Variants in EIF5B observed in about 807,000 individuals in gnomAD.
The protein encoded by EIF5B is eukaryotic translation initiation factor 5B, also known as eIF-5B.
In EIF5B, 47 loss-of-function variants were observed where a neutral mutation model predicts 147.5. The observed-to-expected ratio is 0.32, with a 90% confidence interval of 0.25 to 0.41. EIF5B has a LOEUF of 0.41. Among genes scored for constraint, EIF5B ranks in the 10% least tolerant of loss-of-function variants. The probability of loss-of-function intolerance (pLI) is 1.00; values close to 1 mark genes in which losing one functional copy is unlikely to be tolerated. For synonymous variants in EIF5B, 455 were observed against 456.2 expected (o/e 1.00, Z 0.03); for missense variants, 1,064 against 1,413.2 (o/e 0.75, Z 3.96).
At chr2:99,359,092 G>A (rs1674150824) in intron 1 of EIF5B, among the ~76,000 whole-genome samples, 1 of 152,080 alleles carries the variant, frequency 6.6e-6, no homozygotes, top group African/African-American at 2.4e-5. Flanking sequence ...ACCGGGAGCA[G>A]TGGCTCACGC....
chr2:99,382,044 TA>T, intron 12 of EIF5B, 114 bp from the exon 13 acceptor site: 1 of 747,148 alleles, frequency 1.3e-6, no homozygotes, highest in Non-Finnish European at 2.2e-6. Flanking sequence ...TAAAGCCATT[TA>T]TATGGAAAAG....
chr2:99,374,042 A>G (rs1413599033), intron 9 of EIF5B, among the ~76,000 whole-genome samples: 1 of 152,056 alleles, frequency 6.6e-6, no homozygotes, highest in African/African-American at 2.4e-5. Context: ...CAATCCCAGC[A>G]CTCTGGGAGG....
chr2:99,379,264 G>T lies in EIF5B; in HGVS notation c.1951-54G>T, dbSNP rs1370412351. 13 of 1,500,178 alleles carry T rather than the reference G, an allele frequency of 8.7e-6. No homozygotes were observed. The African/African-American group carries it at 1.5e-4, about 18-fold the overall frequency. The allele number at this position is 1,500,178 out of a possible 1,614,324, so 92.9% of individuals were successfully genotyped here. A position where few individuals can be genotyped will look rare whatever the true frequency, so the allele number is the denominator to read the frequency against. ...AAGTTGCTAATTTCTTATTATTTTTGCTGCTATCTTTTCCATGTTCAAATA... is the reference window on the plus strand; with the variant it reads ...AAGTTGCTAATTTCTTATTATTTTTTCTGCTATCTTTTCCATGTTCAAATA... On this transcript the variant is annotated intron_variant, in intron 11 of 23. Transcript: ENST00000289371.
rs754334504 is a variant in EIF5B at position 99,398,870 on chromosome 2, T to C, written c.3516T>C (p.Phe1172=). The C allele has an allele frequency of 6.2e-7, 1 of 1,613,634 alleles. No individual in the cohort carries two copies. The highest frequency in any genetic ancestry group is 1.7e-5 in the Admixed American group (1 of 59,898). ...TCCCTGGTGAGTCACCCAAAATGTT[T>C]GGAAGACATTTTGAAGCTACAGATA... ...EPIPGESPKM[F]GRHFEATDIL... is the part of the protein sequence containing the mutation. The change falls in exon 23 of 24, where the codon TTT becomes TTC. Residue 1172 remains phenylalanine (F), a synonymous_variant. Transcript: ENST00000289371.
rs768667488 is a variant in EIF5B, at chr2:99,401,234, G to A, written c.*1820G>A. On this transcript the variant is annotated 3_prime_UTR_variant, in exon 24 of 24. Coordinates refer to ENST00000289371, the MANE Select transcript of EIF5B (RefSeq NM_015904.4). Reference sequence around the variant, plus strand: ...CTATCAGAGAGCATCAGGCTCTCTGGTAATATTTATGTAACTTTTAATGTG... The same window carrying A: ...CTATCAGAGAGCATCAGGCTCTCTGATAATATTTATGTAACTTTTAATGTG... 1 of 1,545,694 alleles carries A rather than the reference G, an allele frequency of 6.5e-7. No homozygotes were observed. The highest frequency in any genetic ancestry group is 1.1e-5 in the South Asian group (1 of 89,684).
rs1442691437 is a variant in EIF5B, at chr2:99,396,947, G to C, written c.3393+49G>C. ...TGGGTCATTTCTTAAAGCACTAAAT[G>C]AGTGTCCAAGAGTCGTACCAACACA... On this transcript the variant is annotated intron_variant, in intron 22 of 23. Coordinates refer to ENST00000289371, the MANE Select transcript of EIF5B (RefSeq NM_015904.4). 3 of 1,555,994 alleles carry C rather than the reference G, an allele frequency of 1.9e-6. No individual in the cohort carries two copies. The Admixed American group carries it at 6.0e-5, about 31-fold the overall frequency.
intron 1 of EIF5B, chr2:99,338,276 GC>G (rs2094248979): frequency 7.8e-7 from 1 of 1,278,144 alleles, no homozygotes; most frequent in Non-Finnish European, 1.0e-6. Flanking sequence ...CACCTGCAAT[GC>G]TTTGGGGAGG....
chr2:99,378,482 C>T lies in EIF5B; in HGVS notation c.1843-537C>T, dbSNP rs187570613. Among the ~76,000 whole-genome samples, 301 of 152,302 alleles carry T rather than the reference C, an allele frequency of 2.0e-3. 4 individuals are homozygous for T. Among genetic ancestry groups the T allele is most frequent in the Non-Finnish European group, 2.7e-3 (184 of 68,012 alleles). Reference sequence around the variant, plus strand: ...CCTTGGAAAGTCAGGACATGTTTTACTTATTTAAGCTGAACCTTAAATAAA... The same window carrying T: ...CCTTGGAAAGTCAGGACATGTTTTATTTATTTAAGCTGAACCTTAAATAAA... On this transcript the variant is annotated intron_variant, in intron 10 of 23. Coordinates refer to ENST00000289371, the MANE Select transcript of EIF5B (RefSeq NM_015904.4).
chr2:99,381,564 G>C (rs1413999992), intron 12 of EIF5B, among the ~76,000 whole-genome samples: 1 of 140,630 alleles, frequency 7.1e-6, no homozygotes, highest in Non-Finnish European at 1.5e-5. Flanking sequence ...AAATTAGTTG[G>C]TCAGTGTTAC....
chr2:99,372,060 T>A (rs1674462372), intron 9 of EIF5B, among the ~76,000 whole-genome samples: 1 of 152,236 alleles, frequency 6.6e-6, no homozygotes, highest in African/African-American at 2.4e-5. Context: ...AGATAAATAC[T>A]ATAGTTCCTG....
intron 8 of EIF5B, 44 bp downstream of exon 8, chr2:99,369,525 A>C (rs182609568): frequency 1.3e-6 from 2 of 1,505,180 alleles, no homozygotes; most frequent in African/African-American, 1.4e-5. Context: ...ATTCTTATTA[A>C]ATAGTGTTGG....
At chr2:99,376,748 A>G (rs764385076) in intron 10 of EIF5B, 112 bp downstream of exon 10, 2 of 1,410,060 alleles carry the variant, frequency 1.4e-6, no homozygotes, top group Non-Finnish European at 1.9e-6. Flanking sequence ...TCAAGAATAG[A>G]ACACCGTTCA....
rs1422032022 is a variant in EIF5B, at chr2:99,363,675, A to G, written c.950A>G (p.Asp317Gly). The G allele has an allele frequency of 6.3e-7, 1 of 1,586,414 alleles. No individual in the cohort carries two copies. Among genetic ancestry groups the G allele is most frequent in the Non-Finnish European group, 8.5e-7 (1 of 1,173,430 alleles). The change falls in exon 5 of 24, where the codon GAT becomes GGT. Residue 317 changes from aspartate to glycine, a missense_variant. Transcript: ENST00000289371. ...AATGAAGGAGACAAAAAGAAGAAAG[A>G]TAAGAAGAAAAAGAAAGGAGAAAAG... ...DDNEGDKKKK[D>G]KKKKKGEKEE...
At chr2:99,356,642 G>C (rs1674101934) in intron 1 of EIF5B, among the ~76,000 whole-genome samples, 1 of 151,922 alleles carries the variant, frequency 6.6e-6, no homozygotes, top group Admixed American at 6.6e-5. Flanking sequence ...CGTGTGTTTT[G>C]GCATTTTCTT....
intron 21 of EIF5B, among the ~76,000 whole-genome samples, chr2:99,395,267 C>T (rs1675018681): frequency 6.6e-6 from 1 of 152,244 alleles, no homozygotes; most frequent in South Asian, 2.1e-4. Context: ...AACTTTCACT[C>T]AAGCACTCAC....
rs144007851 is a variant in EIF5B, at chr2:99,376,681, G to A, written c.1842+45G>A. ...TCTCTACTTTTCTTCCCACTCCTCT[G>A]TGATGATTAAAACAGTACTCTACAA... On this transcript the variant is annotated intron_variant, in intron 10 of 23. Coordinates refer to ENST00000289371, the MANE Select transcript of EIF5B (RefSeq NM_015904.4). 8 of 1,549,496 alleles carry A rather than the reference G, an allele frequency of 5.2e-6. No individual in the cohort carries two copies. In the African/African-American group the frequency reaches 9.6e-5, roughly 19 times the overall value.
intron 3 of EIF5B, 119 bp from the exon 4 acceptor site, chr2:99,361,029 C>T: frequency 9.4e-7 from 1 of 1,065,558 alleles, no homozygotes; most frequent in Non-Finnish European, 1.3e-6. Context: ...GTGAAAAAGA[C>T]TTTGAAAAAG....
intron 11 of EIF5B, 28 bp from the exon 12 acceptor site, chr2:99,379,290 C>A (rs1274323463): frequency 1.3e-6 from 2 of 1,566,928 alleles, no homozygotes; most frequent in East Asian, 4.5e-5. Flanking sequence ...TGTTCAAATA[C>A]CAATCTGTAT....
At position 99,376,570 on chromosome 2, in the gene EIF5B, A is replaced by G; in HGVS notation, c.1776A>G (p.Glu592=). 1 of 1,614,116 alleles carries G rather than the reference A, an allele frequency of 6.2e-7. No homozygotes were observed. Among genetic ancestry groups the G allele is most frequent in the Non-Finnish European group, 8.5e-7 (1 of 1,180,004 alleles). ...GTAAAGAAATGAGCTCAGATTCTGA[A>G]TATGACTCTGATGATGATCGGACTA... is the stretch of plus-strand genomic sequence containing the variant. ...KPSKEMSSDS[E]YDSDDDRTKE... is the part of the protein sequence containing the mutation. Residue 592 remains glutamate (E), a synonymous_variant, in exon 10 of 24, where the codon GAA becomes GAG. Coordinates refer to ENST00000289371, the MANE Select transcript of EIF5B (RefSeq NM_015904.4).
Sources: allele counts gnomAD v4.1 joint callset (sites outside exome capture counted in the v4.1 genomes callset), GRCh38; gene constraint gnomAD v4.1.1; transcripts MANE v1.5; gene names NCBI Gene and HGNC (gene_info 2026-07-23, HGNC 2026-07-21).